SPAG17: variants seen among roughly 807,000 people sequenced by gnomAD.
The protein encoded by SPAG17 is sperm-associated antigen 17.
SPAG17 carries 169 observed loss-of-function variants against 273.6 expected under a neutral mutation model. That is an observed-to-expected ratio of 0.62 (90% confidence interval 0.55 to 0.70). The LOEUF (loss-of-function observed/expected upper bound fraction) is 0.70, where lower values mean the gene tolerates loss of function less well. Among genes scored for constraint, SPAG17 ranks in the 30% least tolerant of loss-of-function variants. SPAG17 has a pLI of 0.00. For synonymous variants in SPAG17, 825 were observed against 873.2 expected, an observed-to-expected ratio of 0.94 and a Z score of 0.97; for missense variants, 2,557 against 2,627.8, an observed-to-expected ratio of 0.97 and a Z score of 0.59.
chr1:117,954,479 T>C, intron 48 of SPAG17: 3 of 1,197,950 alleles, frequency 2.5e-6, no homozygotes, highest in Non-Finnish European at 3.6e-6. Context: ...GTCTCTTTTT[T>C]CCCTTTTCAA....
chr1:118,020,931 T>C (rs943082411), intron 28 of SPAG17, among the ~76,000 whole-genome samples: 1 of 152,170 alleles, frequency 6.6e-6, no homozygotes, highest in African/African-American at 2.4e-5. Flanking sequence ...AACACAGGCT[T>C]ATTTAATAAC....
chr1:117,982,364 C>G (rs969668049), intron 42 of SPAG17, among the ~76,000 whole-genome samples: 1 of 151,818 alleles, frequency 6.6e-6, no homozygotes, highest in African/African-American at 2.4e-5. Context: ...GCCTTAGCCT[C>G]CCTAGTAGTT....
intron 34 of SPAG17, among the ~76,000 whole-genome samples, chr1:117,995,670 C>A (rs1417348559): frequency 3.4e-5 from 5 of 147,722 alleles, no homozygotes; most frequent in Non-Finnish European, 7.5e-5. Flanking sequence ...AAAATGTATC[C>A]CAAAACACAG....
At chr1:118,032,558 T>C (rs1648600419) in intron 24 of SPAG17, among the ~76,000 whole-genome samples, 1 of 151,862 alleles carries the variant, frequency 6.6e-6, no homozygotes, top group Non-Finnish European at 1.5e-5. Context: ...TACTTACTCT[T>C]TTGTCAGTCC....
intron 6 of SPAG17, among the ~76,000 whole-genome samples, chr1:118,098,764 T>C (rs1655875101): frequency 6.6e-6 from 1 of 152,180 alleles, no homozygotes; most frequent in Admixed American, 6.5e-5. Context: ...GTCCTTAGCA[T>C]TGAGCCTAGT....
At chr1:118,135,255 C>T (rs1658272938) in intron 3 of SPAG17, among the ~76,000 whole-genome samples, 1 of 152,084 alleles carries the variant, frequency 6.6e-6, no homozygotes, top group African/African-American at 2.4e-5. Flanking sequence ...AGTGCTAGTT[C>T]ACTAGTTCAG....
At chr1:118,135,376 T>C (rs1402285708) in intron 3 of SPAG17, among the ~76,000 whole-genome samples, 1 of 61,996 alleles carries the variant, frequency 1.6e-5, no homozygotes, top group Non-Finnish European at 3.9e-5. Context: ...AAGCAATGTG[T>C]GTGTGTGTGT....
At chr1:118,024,186 CTTATG>C (rs1203929501) in intron 27 of SPAG17, among the ~76,000 whole-genome samples, 3 of 151,962 alleles carry the variant, frequency 2.0e-5, no homozygotes, top group Non-Finnish European at 4.4e-5. Flanking sequence ...GTGCAAACTT[CTTATG>C]TTATGTCTTT....
chr1:118,046,744 T>A (rs1650401296), intron 20 of SPAG17, among the ~76,000 whole-genome samples: 2 of 152,184 alleles, frequency 1.3e-5, no homozygotes. Flanking sequence ...GAGTACAATT[T>A]TTAGTAACAA....
intron 28 of SPAG17, among the ~76,000 whole-genome samples, chr1:118,017,946 C>A (rs183398333): frequency 6.6e-6 from 1 of 152,210 alleles, no homozygotes; most frequent in East Asian, 1.9e-4. Context: ...GACTAGATAC[C>A]AATAATTCCA....
chr1:118,036,295 C>T (rs967115174), intron 24 of SPAG17, among the ~76,000 whole-genome samples: 1 of 152,120 alleles, frequency 6.6e-6, no homozygotes, highest in African/African-American at 2.4e-5. Context: ...TTAAGGCTAA[C>T]GTCCTGAAGC....
chr1:118,092,780 T>A (rs927671022), intron 8 of SPAG17, among the ~76,000 whole-genome samples: 1 of 152,226 alleles, frequency 6.6e-6, no homozygotes, highest in Admixed American at 6.5e-5. Flanking sequence ...TTGACTGCCA[T>A]CCTCTTTAAA....
chr1:118,137,046 C>A lies in SPAG17; in HGVS notation c.315+13497G>T, dbSNP rs116234950. Among the ~76,000 whole-genome samples the A allele has an allele frequency of 9.8e-3, 1,498 of 152,196 alleles. 9 individuals are homozygous for A. The highest frequency in any genetic ancestry group is 0.016 in the Non-Finnish European group (1,084 of 67,990). On this transcript the variant is annotated intron_variant, in intron 3 of 48. Coordinates refer to ENST00000336338, the MANE Select transcript of SPAG17 (RefSeq NM_206996.4). ...TAGTTACGAAATGTAATATATTAGGCCTTTGCATTAAATCCAGATAGAGCC... is the reference window on the plus strand; with the variant it reads ...TAGTTACGAAATGTAATATATTAGGACTTTGCATTAAATCCAGATAGAGCC...
chr1:118,007,187 T>G (rs1333396788), intron 31 of SPAG17, among the ~76,000 whole-genome samples: 1 of 152,200 alleles, frequency 6.6e-6, no homozygotes, highest in Non-Finnish European at 1.5e-5. Context: ...ATATCTATGT[T>G]TTCTTTCATC....
At position 118,087,633 on chromosome 1, in the gene SPAG17, T is replaced by C. The variant is rs193011567; in HGVS notation, c.1360-625A>G. On this transcript the variant is annotated intron_variant, in intron 10 of 48. Coordinates refer to ENST00000336338, the MANE Select transcript of SPAG17 (RefSeq NM_206996.4). ...TCAGTAAATGTAATAGTGTCTCCTTTAAGTGGGGAAAGTGAGGTCTAGAAA... is the reference window on the plus strand; with the variant it reads ...TCAGTAAATGTAATAGTGTCTCCTTCAAGTGGGGAAAGTGAGGTCTAGAAA... Among the ~76,000 whole-genome samples, 7 of 152,308 alleles carry C rather than the reference T, an allele frequency of 4.6e-5. No homozygotes were observed. In the East Asian group the frequency reaches 1.3e-3, roughly 29 times the overall value.
intron 48 of SPAG17, chr1:117,956,960 C>A: frequency 1.0e-6 from 1 of 962,808 alleles, no homozygotes; most frequent in Admixed American, 2.9e-5. Context: ...CAAGATGTAT[C>A]CAAGTATAAA....
chr1:118,056,404 T>C (rs936159814), intron 18 of SPAG17, among the ~76,000 whole-genome samples: 2 of 152,218 alleles, frequency 1.3e-5, no homozygotes, highest in African/African-American at 2.4e-5. Flanking sequence ...TGAAACTCAC[T>C]GACCTTATGA....
intron 30 of SPAG17, among the ~76,000 whole-genome samples, chr1:118,009,917 A>T (rs895888178): frequency 6.6e-6 from 1 of 150,504 alleles, no homozygotes; most frequent in Non-Finnish European, 1.5e-5. Flanking sequence ...ATTCAGTGTT[A>T]AAAAAAAAGA....
chr1:118,176,833 G>A (rs1055829557), intron 1 of SPAG17, among the ~76,000 whole-genome samples: 1 of 152,018 alleles, frequency 6.6e-6, no homozygotes, highest in East Asian at 1.9e-4. Flanking sequence ...TAAAAAGAGT[G>A]GAAATCATAT....
Sources: allele counts gnomAD v4.1 joint callset (sites outside exome capture counted in the v4.1 genomes callset), GRCh38; gene constraint gnomAD v4.1.1; transcripts MANE v1.5; gene names NCBI Gene and HGNC (gene_info 2026-07-23, HGNC 2026-07-21).